CCDC66: variants seen among roughly 807,000 people sequenced by gnomAD.
The protein encoded by CCDC66 is coiled-coil domain-containing protein 66.
In CCDC66, 133 loss-of-function variants were observed where a neutral mutation model predicts 128.3. The ratio of observed to expected loss-of-function variants is 1.04; its 90% confidence interval spans 0.90 to 1.20. The LOEUF is 1.20. Ranked by LOEUF, CCDC66 falls within the 50% of genes most tolerant of loss-of-function variation. The pLI, the probability that CCDC66 is intolerant of heterozygous loss-of-function variation, is 0.00. For synonymous variants in CCDC66, 387 were observed against 357.0 expected (o/e 1.08, Z -0.95); for missense variants, 1,126 against 1,075.5 (o/e 1.05, Z -0.66).
chr3:56,578,121 C>T (rs10780037), intron 7 of CCDC66, among the ~76,000 whole-genome samples: 49,494 of 151,334 alleles, frequency 0.33, 8,947 homozygotes, highest in East Asian at 0.53. Flanking sequence ...GTTCTTGAAG[C>T]GGTCCTTCAC....
chr3:56,571,038 T>A (rs1577333608), intron 6 of CCDC66, 143 bp from the exon 7 acceptor site: 1 of 536,144 alleles, frequency 1.9e-6, no homozygotes, highest in Non-Finnish European at 3.1e-6. Context: ...AAAATTATTC[T>A]CCACTTTGTG....
intron 1 of CCDC66, among the ~76,000 whole-genome samples, chr3:56,558,343 C>A (rs899415997): frequency 6.6e-6 from 1 of 152,262 alleles, no homozygotes; most frequent in African/African-American, 2.4e-5. Context: ...AAGCACCATA[C>A]TAAATATCAC....
At chr3:56,594,950 T>G (rs1356969110) in intron 10 of CCDC66, among the ~76,000 whole-genome samples, 1 of 152,114 alleles carries the variant, frequency 6.6e-6, no homozygotes, top group Non-Finnish European at 1.5e-5. Flanking sequence ...CCAGTAGCCC[T>G]CCTAGGGTTG....
intron 7 of CCDC66, among the ~76,000 whole-genome samples, chr3:56,590,323 C>A (rs1024375789): frequency 1.3e-5 from 2 of 152,182 alleles, no homozygotes; most frequent in Non-Finnish European, 2.9e-5. Flanking sequence ...TGTGACTTAA[C>A]CAGCTGCCAT....
rs1491170 is a variant in CCDC66 at position 56,593,570 on chromosome 3, A to G, written c.1148A>G (p.Gln383Arg). 1,601,517 of 1,614,156 alleles carry G rather than the reference A, an allele frequency of 0.99. 795,228 individuals are homozygous for G. Among genetic ancestry groups the G allele is most frequent in the East Asian group, 1 (44,884 of 44,884 alleles). Residue 383 changes from glutamine (Q) to arginine (R), a missense_variant, in exon 9 of 18, where the codon CAG becomes CGG. Gln to Arg is a conservative substitution (Grantham distance 43, BLOSUM62 1). Coordinates refer to ENST00000394672, the MANE Select transcript of CCDC66 (RefSeq NM_001141947.3). Reference sequence around the variant, plus strand: ...GGTTCTCAATCTCAGCTGTTCTCTCAGTCAACACACAAACAACCTGAGTAC... The same window carrying G: ...GGTTCTCAATCTCAGCTGTTCTCTCGGTCAACACACAAACAACCTGAGTAC... The part of the protein sequence containing the change: ...YPGSQSQLFS[Q>R]STHKQPEYFC...
At chr3:56,574,691 A>C (rs1283581538) in intron 7 of CCDC66, among the ~76,000 whole-genome samples, 1 of 151,818 alleles carries the variant, frequency 6.6e-6, no homozygotes, top group Non-Finnish European at 1.5e-5. Context: ...GTTTTGTTCT[A>C]CTTATAATTT....
chr3:56,563,994 A>G lies in CCDC66; in HGVS notation c.413A>G (p.Lys138Arg), dbSNP rs768728396. The change falls in exon 4 of 18, where the codon AAA (lysine) becomes AGA (arginine). Residue 138 changes from lysine (K) to arginine (R), a missense_variant. Lys to Arg is a conservative substitution (Grantham distance 26). Coordinates refer to ENST00000394672, the MANE Select transcript of CCDC66 (RefSeq NM_001141947.3). ...GTAGGTAAACAGAAGCCTCACAAAA[A>G]ACACATCACAGCTGAAAACATGAAG... ...SLVGKQKPHK[K>R]HITAENMKSS... 6.2e-7 allele frequency: 1 copy of G among 1,614,046 alleles called. No individual in the cohort carries two copies. Among genetic ancestry groups the G allele is most frequent in the Middle Eastern group, 1.7e-4 (1 of 6,058 alleles).
In CCDC66 at chr3:56,571,999, G is replaced by T. The variant is rs546045320; in HGVS notation, c.936+697G>T. Among the ~76,000 whole-genome samples, 7 of 152,296 alleles carry T rather than the reference G, an allele frequency of 4.6e-5. No homozygotes were observed. In the East Asian group the frequency reaches 7.7e-4, roughly 17 times the overall value. On this transcript the variant is annotated intron_variant, in intron 7 of 17. Transcript: ENST00000394672. ...GCCTCCTGAGTAGCTGGGATTGTAG[G>T]TGTGAGCCACTGGGCCTGGCTCATA...
chr3:56,572,055 T>A (rs1205908414), intron 7 of CCDC66, among the ~76,000 whole-genome samples: 3 of 152,204 alleles, frequency 2.0e-5, no homozygotes, highest in East Asian at 1.9e-4. Flanking sequence ...ATTTTTAATT[T>A]AATTATGACC....
chr3:56,617,749 G>C, intron 14 of CCDC66, 144 bp downstream of exon 14: 1 of 990,382 alleles, frequency 1.0e-6, no homozygotes, highest in Middle Eastern at 2.2e-4. Context: ...GCAAATCCAG[G>C]CTGCTGCCTG....
intron 8 of CCDC66, 94 bp downstream of exon 8, chr3:56,593,195 C>T (rs1254193809): frequency 2.0e-6 from 2 of 1,024,874 alleles, no homozygotes; most frequent in South Asian, 3.4e-5. Context: ...CTTGACAAGA[C>T]CAGAATATTC....
rs563304976 is a variant in CCDC66 at position 56,608,899 on chromosome 3, T to G, written c.1405-4690T>G. On this transcript the variant is annotated intron_variant, in intron 10 of 17. Coordinates refer to ENST00000394672, the MANE Select transcript of CCDC66 (RefSeq NM_001141947.3). ...TCAGGAGCAATTTATTTAATTTCCA[T>G]GTATTTGTGTGGTTTTGAAGGTTCC... Among the ~76,000 whole-genome samples, 301 of 152,338 alleles carry G rather than the reference T, an allele frequency of 2.0e-3. 12 individuals are homozygous for G. In the South Asian group the frequency reaches 0.058, roughly 29 times the overall value.
At position 56,621,819 on chromosome 3, in the gene CCDC66, A is replaced by T. The variant is rs1274091057; in HGVS notation, c.*201A>T. 2.6e-4 allele frequency: 20 copies of T among 76,508 alleles called. No individual in the cohort carries two copies. The highest frequency in any genetic ancestry group is 1.3e-3 in the East Asian group (3 of 2,384). The allele number at this position is 76,508 out of a possible 1,614,324, so 4.7% of individuals were successfully genotyped here. A position where few individuals can be genotyped will look rare whatever the true frequency, so the allele number is the denominator to read the frequency against. ...ACTTCTTTTGTAAAAGCTTAGTAGTAAAAAAAAAAAAAAAAAAACCGGTTC... is the reference window on the plus strand; with the variant it reads ...ACTTCTTTTGTAAAAGCTTAGTAGTTAAAAAAAAAAAAAAAAAACCGGTTC... On this transcript the variant is annotated 3_prime_UTR_variant, in exon 18 of 18. Coordinates refer to ENST00000394672, the MANE Select transcript of CCDC66 (RefSeq NM_001141947.3).
chr3:56,568,602 C>T (rs1205004982), intron 6 of CCDC66, among the ~76,000 whole-genome samples: 4 of 152,188 alleles, frequency 2.6e-5, no homozygotes, highest in Admixed American at 1.3e-4. Flanking sequence ...GATTTGTAAA[C>T]TTTTCCCATT....
chr3:56,562,862 G>A (rs1015805394), intron 3 of CCDC66, among the ~76,000 whole-genome samples: 8 of 151,122 alleles, frequency 5.3e-5, no homozygotes, highest in African/African-American at 1.9e-4. Flanking sequence ...GGCCAGGCTG[G>A]CCTTGAACTC....
Position 56,597,776 on chromosome 3 carries a change from G to GTTTTTTTTT in CCDC66, c.1404+3748_1404+3749insTTTTTTTTT, listed in dbSNP as rs753875788. On this transcript the variant is annotated intron_variant, in intron 10 of 17. Coordinates refer to ENST00000394672, the MANE Select transcript of CCDC66 (RefSeq NM_001141947.3). ...TTGTGGAGTCTAGGTTTTGTTTTGG[G>GTTTTTTTTT]GTTTTTTTTTTTTTTTGAGACAGAG... 8.1e-4 allele frequency among the ~76,000 whole-genome samples: 50 copies of GTTTTTTTTT among 61,842 alleles called. 6 individuals carry two copies. Among genetic ancestry groups the GTTTTTTTTT allele is most frequent in the South Asian group, 2.0e-3 (2 of 994 alleles). The allele number at this position is 61,842 out of a possible 152,430, so 40.6% of individuals were successfully genotyped here. A position where few individuals can be genotyped will look rare whatever the true frequency, so the allele number is the denominator to read the frequency against.
chr3:56,558,887 C>G lies in CCDC66; in HGVS notation c.53C>G (p.Thr18Ser). 1 of 1,548,906 alleles carries G rather than the reference C, an allele frequency of 6.5e-7. No homozygotes were observed. The highest frequency in any genetic ancestry group is 8.7e-7 in the Non-Finnish European group (1 of 1,145,152). Reference sequence around the variant, plus strand: ...GAAACTGAATTACTGGATGGAAAAACCAAGCTAATATTGTCTCCATATGGT... The same window carrying G: ...GAAACTGAATTACTGGATGGAAAAAGCAAGCTAATATTGTCTCCATATGGT... The part of the protein sequence containing the change: ...KLETELLDGK[T>S]KLILSPYEHK... The change falls in exon 2 of 18, where the codon ACC becomes AGC. Residue 18 changes from threonine (T) to serine (S), a missense_variant. Thr to Ser is a moderately conservative substitution (Grantham distance 58, BLOSUM62 1). Coordinates refer to ENST00000394672, the MANE Select transcript of CCDC66 (RefSeq NM_001141947.3).
intron 10 of CCDC66, among the ~76,000 whole-genome samples, chr3:56,602,049 T>A (rs1252004285): frequency 6.6e-6 from 1 of 152,002 alleles, no homozygotes; most frequent in Non-Finnish European, 1.5e-5. Context: ...CCTTTTGCCG[T>A]TTTTCAAGGG....
At position 56,566,181 on chromosome 3, in the gene CCDC66, G is replaced by A. The variant is rs1465882845; in HGVS notation, c.545-413G>A. Among the ~76,000 whole-genome samples the A allele has an allele frequency of 5.4e-5, 8 of 148,596 alleles. No homozygotes were observed. The South Asian group carries it at 1.7e-3, about 31-fold the overall frequency. ...GGCCCAGACTGGAGTGCAGAGTGCA[G>A]TGGCACAATCTCAGCTCACTGAAAC... On this transcript the variant is annotated intron_variant, in intron 4 of 17. Coordinates refer to ENST00000394672, the MANE Select transcript of CCDC66 (RefSeq NM_001141947.3).
Sources: gnomAD v4.1 joint callset for allele counts (sites outside exome capture counted in the v4.1 genomes callset) on GRCh38, gnomAD v4.1.1 for gene constraint, MANE v1.5 for transcripts, NCBI Gene and HGNC (gene_info 2026-07-23, HGNC 2026-07-21) for gene names.